The following ROBO1 variants were observed in gnomAD, a reference collection of about 807,000 sequenced individuals.
ROBO1 encodes roundabout guidance receptor 1, also known as roundabout homolog 1.
A neutral mutation model predicts 195.9 loss-of-function variants in ROBO1; 149 were observed. The observed-to-expected ratio is 0.76, with a 90% CI of 0.67 to 0.87. ROBO1 has a LOEUF of 0.87. Among genes scored for constraint, ROBO1 ranks in the 40% least tolerant of loss-of-function variants. The pLI is 0.00. For synonymous variants in ROBO1, 816 were observed against 733.2 expected (o/e 1.11, Z -1.82); for missense variants, 1,933 against 2,068.3 (o/e 0.93, Z 1.27).
intron 2 of ROBO1, among the ~76,000 whole-genome samples, chr3:79,411,577 A>C (rs188026114): frequency 6.6e-6 from 1 of 152,288 alleles, no homozygotes; most frequent in African/African-American, 2.4e-5. Context: ...AATATCAACA[A>C]ATTTTAGCAA....
At chr3:78,754,891 T>C (rs2108327451) in intron 4 of ROBO1, among the ~76,000 whole-genome samples, 1 of 152,156 alleles carries the variant, frequency 6.6e-6, no homozygotes, top group African/African-American at 2.4e-5. Context: ...CCTCGGGAAG[T>C]GCATTGCAGG....
chr3:79,283,880 G>A (rs1050343063), intron 2 of ROBO1, among the ~76,000 whole-genome samples: 3 of 151,616 alleles, frequency 2.0e-5, no homozygotes, highest in African/African-American at 7.3e-5. Context: ...TGTATTTTTA[G>A]TAGAGACGGG....
Position 79,653,560 on chromosome 3 carries a change from T to C in ROBO1, c.-50-63599A>G, listed in dbSNP as rs111698463. 3.5e-3 allele frequency among the ~76,000 whole-genome samples: 534 copies of C among 152,150 alleles called. 3 individuals are homozygous for C. The highest frequency in any genetic ancestry group is 6.5e-3 in the Non-Finnish European group (443 of 67,890). ...TATGAAAGAAATATTTTTCAGGCTT[T>C]TGAGTATCATTTCAAGATGAGAATA... On this transcript the variant is annotated intron_variant, in intron 1 of 30. Transcript: ENST00000464233.
chr3:78,664,421 T>C lies in ROBO1; in HGVS notation c.1967-2307A>G, dbSNP rs1318417239. On this transcript the variant is annotated intron_variant, in intron 14 of 30. Transcript: ENST00000464233. Reference sequence around the variant, plus strand: ...AAGAATGATACACAGACAGGGCACATGGGTGAGGAATCATAGTAACTAACA... The same window carrying C: ...AAGAATGATACACAGACAGGGCACACGGGTGAGGAATCATAGTAACTAACA... Among the ~76,000 whole-genome samples, 5 of 152,260 alleles carry C rather than the reference T, an allele frequency of 3.3e-5. No homozygotes were observed. The East Asian group carries it at 7.7e-4, about 24-fold the overall frequency.
At chr3:79,350,368 A>T (rs1254296421) in intron 2 of ROBO1, among the ~76,000 whole-genome samples, 1 of 152,226 alleles carries the variant, frequency 6.6e-6, no homozygotes, top group African/African-American at 2.4e-5. Context: ...TGTTACGGTG[A>T]CTTTGAAAAC....
chr3:79,409,216 G>A (rs2037672332), intron 2 of ROBO1, among the ~76,000 whole-genome samples: 2 of 151,962 alleles, frequency 1.3e-5, no homozygotes, highest in African/African-American at 4.8e-5. Flanking sequence ...TGTCTTTAAT[G>A]ACCAATGAAA....
chr3:79,021,825 T>C (rs543044200), intron 3 of ROBO1, among the ~76,000 whole-genome samples: 10 of 152,034 alleles, frequency 6.6e-5, no homozygotes, highest in Admixed American at 2.0e-4. Context: ...CACTCCCGGC[T>C]AATTTTTTGT....
chr3:79,719,764 G>A (rs1702625707), intron 1 of ROBO1, among the ~76,000 whole-genome samples: 1 of 152,004 alleles, frequency 6.6e-6, no homozygotes, highest in African/African-American at 2.4e-5. Context: ...CACAAATTAA[G>A]TGCTCAATGA....
At chr3:79,068,685 C>A (rs1390809317) in intron 3 of ROBO1, among the ~76,000 whole-genome samples, 1 of 151,738 alleles carries the variant, frequency 6.6e-6, no homozygotes, top group Non-Finnish European at 1.5e-5. Flanking sequence ...TTCTCTCTAC[C>A]TAACAGGTCT....
At chr3:79,564,036 A>T (rs1297252546) in intron 2 of ROBO1, among the ~76,000 whole-genome samples, 1 of 79,426 alleles carries the variant, frequency 1.3e-5, no homozygotes, top group Admixed American at 1.1e-4. Context: ...TGGTAAAATT[A>T]AAAAAAAAAC....
At chr3:79,366,978 C>A (rs970802277) in intron 2 of ROBO1, among the ~76,000 whole-genome samples, 1 of 152,160 alleles carries the variant, frequency 6.6e-6, no homozygotes, top group Admixed American at 6.5e-5. Context: ...TGGTGAGGCA[C>A]ATTTCCATGA....
chr3:79,583,021 C>T (rs930879537), intron 2 of ROBO1, among the ~76,000 whole-genome samples: 4 of 151,956 alleles, frequency 2.6e-5, no homozygotes, highest in Admixed American at 2.6e-4. Flanking sequence ...ATGCCCTCCT[C>T]AAGTTTTTAC....
At position 79,338,588 on chromosome 3, in the gene ROBO1, T is replaced by C. The variant is rs147346201; in HGVS notation, c.89-213049A>G. On this transcript the variant is annotated intron_variant, in intron 2 of 30. Transcript: ENST00000464233. ...TGAAGCATTAAGGGAGGTTTCACCATCCCTCCCTTTGATGTATTTTCTTCA... is the reference window on the plus strand; with the variant it reads ...TGAAGCATTAAGGGAGGTTTCACCACCCCTCCCTTTGATGTATTTTCTTCA... Among the ~76,000 whole-genome samples, 200 of 152,276 alleles carry C rather than the reference T, an allele frequency of 1.3e-3. 2 individuals carry two copies. In the East Asian group the frequency reaches 0.032, roughly 24 times the overall value.
intron 3 of ROBO1, among the ~76,000 whole-genome samples, chr3:79,051,920 C>A (rs1221154063): frequency 1.3e-5 from 2 of 152,086 alleles, no homozygotes; most frequent in East Asian, 1.9e-4. Flanking sequence ...TCTTCCTAAG[C>A]TGAGGATGTA....
intron 2 of ROBO1, among the ~76,000 whole-genome samples, chr3:79,228,940 A>G (rs924169401): frequency 2.0e-5 from 3 of 152,186 alleles, no homozygotes; most frequent in Non-Finnish European, 2.9e-5. Flanking sequence ...CCCAAAGCCA[A>G]TGCAATCTCT....
chr3:78,938,651 C>T lies in ROBO1; in HGVS notation c.449G>A (p.Arg150Lys), dbSNP rs773531330. Residue 150 changes from arginine (R) to lysine (K), a missense_variant, in exon 4 of 31, where the codon AGG becomes AAG. By Grantham distance (26) the Arg-to-Lys change is conservative (BLOSUM62 2). Transcript: ENST00000464233. ...GCTCACAGCCTCTCCAAGGTAATTC[C>T]TTGCTACACAGACATAGACTCCTTC... ...PDEGVYVCVA[R>K]NYLGEAVSHN... 6.2e-7 allele frequency: 1 copy of T among 1,613,914 alleles called. No homozygotes were observed. The highest frequency in any genetic ancestry group is 8.5e-7 in the Non-Finnish European group (1 of 1,179,836).
chr3:78,966,433 G>C lies in ROBO1; in HGVS notation c.173-27506C>G, dbSNP rs367822859. Among the ~76,000 whole-genome samples the C allele has an allele frequency of 3.9e-5, 6 of 152,284 alleles. No individual in the cohort carries two copies. The East Asian group carries it at 5.8e-4, about 15-fold the overall frequency. ...GCTTGGTACATCACAGTCGACGAGA[G>C]AGGTCGGGACTGCTAATAATTCAGA... On this transcript the variant is annotated intron_variant, in intron 3 of 30. Coordinates refer to ENST00000464233, the MANE Select transcript of ROBO1 (RefSeq NM_002941.4).
Position 79,140,545 on chromosome 3 carries a change from T to C in ROBO1, c.89-15006A>G, listed in dbSNP as rs187753979. On this transcript the variant is annotated intron_variant, in intron 2 of 30. Transcript: ENST00000464233. ...AGTACTTATTTATAAAATCTTATGATAATCCTATATACCTAATAAGAAGTT... is the reference window on the plus strand; with the variant it reads ...AGTACTTATTTATAAAATCTTATGACAATCCTATATACCTAATAAGAAGTT... Among the ~76,000 whole-genome samples the C allele has an allele frequency of 3.8e-3, 575 of 152,242 alleles. 6 individuals carry two copies. Among genetic ancestry groups the C allele is most frequent in the African/African-American group, 0.013 (551 of 41,554 alleles).
At chr3:79,449,205 C>T (rs1289857374) in intron 2 of ROBO1, among the ~76,000 whole-genome samples, 1 of 151,892 alleles carries the variant, frequency 6.6e-6, no homozygotes, top group Non-Finnish European at 1.5e-5. Flanking sequence ...ACACTCCAGC[C>T]TGGGCCACAG....
Sources: gnomAD v4.1 joint callset for allele counts (sites outside exome capture counted in the v4.1 genomes callset) on GRCh38, gnomAD v4.1.1 for gene constraint, MANE v1.5 for transcripts, NCBI Gene and HGNC (gene_info 2026-07-23, HGNC 2026-07-21) for gene names.